IL23R: variants seen among roughly 807,000 people sequenced by gnomAD.
IL23R encodes interleukin-23 receptor.
IL23R carries 34 observed loss-of-function variants against 56.9 expected under a neutral mutation model. The observed-to-expected ratio is 0.60, with a 90% CI of 0.45 to 0.80. IL23R has a LOEUF of 0.80. IL23R is among the 30% of genes least tolerant of loss of function. The probability of loss-of-function intolerance (pLI) is 0.00; values close to 1 mark genes in which losing one functional copy is unlikely to be tolerated. For missense variants in IL23R, 635 were observed against 730.0 expected, an observed-to-expected ratio of 0.87 and a Z score of 1.50; for synonymous variants, 230 against 249.2, an observed-to-expected ratio of 0.92 and a Z score of 0.73.
At chr1:67,230,605 A>C (rs1433760625) in intron 7 of IL23R, among the ~76,000 whole-genome samples, 1 of 152,150 alleles carries the variant, frequency 6.6e-6, no homozygotes, top group African/African-American at 2.4e-5. Flanking sequence ...TTCTCCCTAC[A>C]TACCAAGTAC....
intron 7 of IL23R, among the ~76,000 whole-genome samples, chr1:67,227,962 CTTTCTT>C (rs1558253887): frequency 1.7e-5 from 1 of 57,164 alleles, no homozygotes; most frequent in Non-Finnish European, 3.6e-5. Context: ...TTCTTTCTTT[CTTTCTT>C]TCTTTCTTTC....
chr1:67,197,806 C>T (rs555437073), intron 4 of IL23R, among the ~76,000 whole-genome samples: 1 of 152,152 alleles, frequency 6.6e-6, no homozygotes, highest in South Asian at 2.1e-4. Flanking sequence ...AGTGGTGGTG[C>T]ATGCCTGTAG....
chr1:67,213,747 G>A (rs1330065117), intron 6 of IL23R, among the ~76,000 whole-genome samples: 7 of 152,144 alleles, frequency 4.6e-5, no homozygotes, highest in Non-Finnish European at 7.4e-5. Context: ...TATGATGTTC[G>A]TACAATGATG....
At position 67,206,103 on chromosome 1, in the gene IL23R, C is replaced by T. The variant is rs370288808; in HGVS notation, c.653-807C>T. Reference sequence around the variant, plus strand: ...TCTCAGCTCACTGTAACCTCTGCCTCCCGGGTTCAAGCGATCCTCCTGCCT... The same window carrying T: ...TCTCAGCTCACTGTAACCTCTGCCTTCCGGGTTCAAGCGATCCTCCTGCCT... On this transcript the variant is annotated intron_variant, in intron 5 of 10. Transcript: ENST00000347310. Among the ~76,000 whole-genome samples, 267 of 151,996 alleles carry T rather than the reference C, an allele frequency of 1.8e-3. 2 individuals carry two copies. The highest frequency in any genetic ancestry group is 6.2e-3 in the African/African-American group (258 of 41,458).
intron 6 of IL23R, among the ~76,000 whole-genome samples, chr1:67,217,175 C>T (rs183010124): frequency 3.9e-5 from 6 of 152,268 alleles, no homozygotes; most frequent in Non-Finnish European, 5.9e-5. Context: ...AAGAATATTA[C>T]GTTTCAATGA....
intron 8 of IL23R, among the ~76,000 whole-genome samples, chr1:67,238,670 G>A (rs887719651): frequency 1.3e-5 from 2 of 152,108 alleles, no homozygotes; most frequent in African/African-American, 4.8e-5. Context: ...ATCAGGCCAC[G>A]CTCTTGGTCA....
At chr1:67,246,729 C>G (rs1280298451) in intron 9 of IL23R, among the ~76,000 whole-genome samples, 1 of 152,082 alleles carries the variant, frequency 6.6e-6, no homozygotes, top group Non-Finnish European at 1.5e-5. Context: ...GTTTTACTTA[C>G]AATTATGTGA....
chr1:67,173,785 T>G (rs970171925), intron 3 of IL23R, among the ~76,000 whole-genome samples: 2 of 152,196 alleles, frequency 1.3e-5, no homozygotes, highest in African/African-American at 2.4e-5. Flanking sequence ...ATACCTATCA[T>G]TCCCATAAAA....
chr1:67,145,624 A>G (rs1326344031), intron 1 of IL23R, among the ~76,000 whole-genome samples: 1 of 152,180 alleles, frequency 6.6e-6, no homozygotes, highest in East Asian at 1.9e-4. Context: ...TTTGGCATAC[A>G]TTAGATAACT....
chr1:67,146,038 G>T (rs931895016), intron 1 of IL23R, among the ~76,000 whole-genome samples: 5 of 152,132 alleles, frequency 3.3e-5, no homozygotes, highest in Non-Finnish European at 5.9e-5. Context: ...AAAACTGAGG[G>T]TCAACAGCCC....
Position 67,169,664 on chromosome 1 carries a change from G to A in IL23R, c.367+26G>A, listed in dbSNP as rs771921869. 2.5e-6 allele frequency: 4 copies of A among 1,599,040 alleles called. No homozygotes were observed. The Admixed American group carries it at 5.0e-5, about 20-fold the overall frequency. On this transcript the variant is annotated intron_variant, in intron 3 of 10. Coordinates refer to ENST00000347310, the MANE Select transcript of IL23R (RefSeq NM_144701.3). Reference sequence around the variant, plus strand: ...GTAAGTGTTGGGGCACATTTGAAATGCAAACAAAAGCTAGTTTAACAATTA... The same window carrying A: ...GTAAGTGTTGGGGCACATTTGAAATACAAACAAAAGCTAGTTTAACAATTA...
intron 4 of IL23R, among the ~76,000 whole-genome samples, chr1:67,184,554 TAAATA>T (rs1218670570): frequency 7.6e-6 from 1 of 130,890 alleles, no homozygotes; most frequent in African/African-American, 2.9e-5. Context: ...TCTCAAAAAA[TAAATA>T]AAATAAAATA....
intron 9 of IL23R, among the ~76,000 whole-genome samples, chr1:67,244,461 A>G (rs1161515641): frequency 4.6e-5 from 7 of 152,034 alleles, no homozygotes; most frequent in Admixed American, 4.6e-4. Flanking sequence ...ATGTTTAAGT[A>G]TTGAATCCAT....
chr1:67,250,386 A>G (rs573536658), intron 9 of IL23R, among the ~76,000 whole-genome samples: 311 of 152,244 alleles, frequency 2.0e-3, no homozygotes, highest in Non-Finnish European at 3.5e-3. Flanking sequence ...TCTTTCTTAT[A>G]TAAAATCTAT....
Position 67,258,462 on chromosome 1 carries a change from T to C in IL23R, c.1240-16T>C, listed in dbSNP as rs1653070636. ...AAATGTCTTTTGCAAAATAAAATGA[T>C]GTCTTTTTTTCCTAGGAAAATAGTG... On this transcript the variant is annotated splice_polypyrimidine_tract_variant and intron_variant, in intron 10 of 10. Transcript: ENST00000347310. 1.9e-6 allele frequency: 3 copies of C among 1,583,750 alleles called. No individual in the cohort carries two copies. The highest frequency in any genetic ancestry group is 1.1e-5 in the South Asian group (1 of 87,634).
intron 1 of IL23R, among the ~76,000 whole-genome samples, chr1:67,148,458 C>T (rs1457384254): frequency 1.3e-5 from 2 of 152,230 alleles, no homozygotes; most frequent in African/African-American, 4.8e-5. Flanking sequence ...TATTTCTTTA[C>T]CTCCTGCTTT....
At chr1:67,195,746 C>T (rs1266997203) in intron 4 of IL23R, among the ~76,000 whole-genome samples, 1 of 152,192 alleles carries the variant, frequency 6.6e-6, no homozygotes, top group East Asian at 1.9e-4. Context: ...AGAGAGATTC[C>T]TTGACCACTT....
rs1268199686 is a variant in IL23R, at chr1:67,219,712, C to T, written c.937C>T (p.His313Tyr). The change falls in exon 7 of 11, where the codon CAT becomes TAT. Residue 313 changes from histidine (H) to tyrosine (Y), a missense_variant. Physicochemically the swap from His to Tyr is moderately conservative, Grantham distance 83. Coordinates refer to ENST00000347310, the MANE Select transcript of IL23R (RefSeq NM_144701.3). ...YWQPWSSLFF[H>Y]KTPETVPQVT... ...GCAGCCTTGGAGTTCACTGTTTTTT[C>T]ATAAAACACCTGAAACAGGTGAGTG... 1 of 1,613,702 alleles carries T rather than the reference C, an allele frequency of 6.2e-7. No individual in the cohort carries two copies. The highest frequency in any genetic ancestry group is 8.5e-7 in the Non-Finnish European group (1 of 1,179,642).
At chr1:67,236,883 C>T (rs1200269334) in intron 8 of IL23R, 81 bp downstream of exon 8, 5 of 905,166 alleles carry the variant, frequency 5.5e-6, no homozygotes, top group East Asian at 2.4e-5. Context: ...AAAATCACAT[C>T]AGGTGTTAAG....
Sources: gnomAD v4.1 joint callset for allele counts (sites outside exome capture counted in the v4.1 genomes callset) on GRCh38, gnomAD v4.1.1 for gene constraint, MANE v1.5 for transcripts, NCBI Gene and HGNC (gene_info 2026-07-23, HGNC 2026-07-21) for gene names.